ADGRL4: variants seen among roughly 807,000 people sequenced by gnomAD.
ADGRL4 encodes adhesion G protein-coupled receptor L4.
Under a neutral mutation model 74.8 loss-of-function variants are expected in ADGRL4, and 90 were observed. The observed-to-expected ratio is 1.20, with a 90% CI of 1.02 to 1.43. ADGRL4 has a LOEUF of 1.43. Among genes scored for constraint, ADGRL4 ranks in the 40% most tolerant of loss-of-function variants. The pLI is 0.00. For missense variants in ADGRL4, 881 were observed against 814.3 expected, an observed-to-expected ratio of 1.08 and a Z score of -1.00; for synonymous variants, 311 against 279.2, an observed-to-expected ratio of 1.11 and a Z score of -1.14.
At chr1:78,904,644 G>C (rs1648592346) in intron 12 of ADGRL4, among the ~76,000 whole-genome samples, 1 of 151,928 alleles carries the variant, frequency 6.6e-6, no homozygotes, top group South Asian at 2.1e-4. Flanking sequence ...TTTTAAGAAA[G>C]CAACAAATGC....
chr1:78,986,848 A>G (rs1650508519), intron 2 of ADGRL4, among the ~76,000 whole-genome samples: 1 of 151,828 alleles, frequency 6.6e-6, no homozygotes, highest in Admixed American at 6.6e-5. Flanking sequence ...AAATGATCAA[A>G]AATAGTAAAA....
rs761341743 is a variant in ADGRL4, at chr1:78,920,277, TGAATTTCACTGAAGAACCA to T, written c.1348_1366del (p.Trp450LysfsTer47). The T allele has an allele frequency of 6.2e-7, 1 of 1,612,036 alleles. No homozygotes were observed. On this transcript the variant is annotated frameshift_variant, in exon 10 of 15. Transcript: ENST00000370742. LOFTEE classifies it high-confidence loss of function. ...TTTGTGAATTGTTGTCCTGGTGCTTTGAATTTCACTGAAGAACCAGAAGGTAAAAATGCATATGGCAAGA... is the reference window on the plus strand; with the variant it reads ...TTTGTGAATTGTTGTCCTGGTGCTTTGAAGGTAAAAATGCATATGGCAAGA...
At chr1:79,004,468 C>T (rs933938828) in intron 2 of ADGRL4, among the ~76,000 whole-genome samples, 1 of 152,108 alleles carries the variant, frequency 6.6e-6, no homozygotes, top group Non-Finnish European at 1.5e-5. Context: ...GGCTAAACTG[C>T]ACCCTACAAG....
intron 2 of ADGRL4, among the ~76,000 whole-genome samples, chr1:78,961,909 T>G (rs544640703): frequency 1.3e-5 from 2 of 151,888 alleles, no homozygotes; most frequent in Admixed American, 1.3e-4. Context: ...GGATGGAGTT[T>G]TGCTCCTATT....
chr1:79,003,982 C>T lies in ADGRL4; in HGVS notation c.172+1088G>A, dbSNP rs1650895591. Among the ~76,000 whole-genome samples the T allele has an allele frequency of 2.0e-5, 3 of 151,946 alleles. No homozygotes were observed. The South Asian group carries it at 6.2e-4, about 31-fold the overall frequency. The stretch of plus-strand genomic sequence containing the variant: ...TAATGCACCATTAAGTGAACTGTAG[C>T]TTTGCTGTACATTTTTTAAATATTC... On this transcript the variant is annotated intron_variant, in intron 2 of 14. Coordinates refer to ENST00000370742, the MANE Select transcript of ADGRL4 (RefSeq NM_022159.4).
chr1:78,953,082 A>G (rs1362183282), intron 2 of ADGRL4, among the ~76,000 whole-genome samples: 4 of 152,196 alleles, frequency 2.6e-5, no homozygotes, highest in Non-Finnish European at 5.9e-5. Flanking sequence ...AAACAAAATG[A>G]AGTATAAGTA....
chr1:78,983,597 A>T (rs1214221956), intron 2 of ADGRL4, among the ~76,000 whole-genome samples: 1 of 151,926 alleles, frequency 6.6e-6, no homozygotes, highest in Admixed American at 6.6e-5. Context: ...TTTAAGAAAC[A>T]TATAACAGAA....
intron 2 of ADGRL4, among the ~76,000 whole-genome samples, chr1:79,002,624 G>A (rs570041715): frequency 6.6e-6 from 1 of 152,156 alleles, no homozygotes; most frequent in East Asian, 1.9e-4. Context: ...AACTGAATTA[G>A]GAAGGGTCAA....
At chr1:78,953,131 A>C (rs1306064854) in intron 2 of ADGRL4, among the ~76,000 whole-genome samples, 1 of 152,206 alleles carries the variant, frequency 6.6e-6, no homozygotes, top group Non-Finnish European at 1.5e-5. Flanking sequence ...ATGTTTGTAC[A>C]TATTGGAAAC....
chr1:78,982,864 A>G (rs910652255), intron 2 of ADGRL4, among the ~76,000 whole-genome samples: 2 of 151,916 alleles, frequency 1.3e-5, no homozygotes, highest in Admixed American at 1.3e-4. Context: ...GCACCTGTGC[A>G]AGGTCGAGCT....
At chr1:78,927,702 C>A (rs76057786) in intron 7 of ADGRL4, among the ~76,000 whole-genome samples, 1 of 151,960 alleles carries the variant, frequency 6.6e-6, no homozygotes, top group Non-Finnish European at 1.5e-5. Context: ...AACCAAATAG[C>A]GCAAAATCAT....
At chr1:78,935,529 TAAA>T (rs60057044) in intron 7 of ADGRL4, among the ~76,000 whole-genome samples, 71,567 of 147,614 alleles carry the variant, frequency 0.48, 17,615 homozygotes, top group Middle Eastern at 0.56. Context: ...TAAGCAAAAT[TAAA>T]AAAAAAAAAA....
intron 13 of ADGRL4, among the ~76,000 whole-genome samples, chr1:78,892,316 C>T (rs969317221): frequency 2.6e-5 from 4 of 152,148 alleles, no homozygotes; most frequent in African/African-American, 4.8e-5. Flanking sequence ...CATACGCACT[C>T]TTACATCTTT....
At position 78,890,118 on chromosome 1, in the gene ADGRL4, T is replaced by C. The variant is rs193132081; in HGVS notation, c.*1036A>G. The C allele has an allele frequency of 3.3e-3, 521 of 156,258 alleles. 2 individuals carry two copies. Among genetic ancestry groups the C allele is most frequent in the Non-Finnish European group, 4.5e-3 (314 of 69,058 alleles). 9.7% of individuals were successfully genotyped at this position (156,258 alleles called of 1,614,324 possible). On this transcript the variant is annotated 3_prime_UTR_variant, in exon 15 of 15. Transcript: ENST00000370742. ...CAATAACAATTTTAAGTGTGTACTT[T>C]TCTGAACAGAAAAAATAGCAATTCA...
At chr1:78,993,997 G>A (rs1650666710) in intron 2 of ADGRL4, among the ~76,000 whole-genome samples, 1 of 152,146 alleles carries the variant, frequency 6.6e-6, no homozygotes, top group Non-Finnish European at 1.5e-5. Context: ...GGACTCTGAA[G>A]GCTGCCTCAA....
At chr1:78,896,621 C>G (rs1648405205) in intron 12 of ADGRL4, among the ~76,000 whole-genome samples, 1 of 152,064 alleles carries the variant, frequency 6.6e-6, no homozygotes, top group Admixed American at 6.6e-5. Context: ...ACCATCATGC[C>G]TCCTCTGTGC....
chr1:78,977,625 A>G lies in ADGRL4; in HGVS notation c.172+27445T>C, dbSNP rs74985778. ...AGCTGTTGCAAGGAGAGAAAAAGAG[A>G]CCAATGAAATAGAACAGAGATCCAC... is the stretch of plus-strand genomic sequence containing the variant. On this transcript the variant is annotated intron_variant, in intron 2 of 14. Coordinates refer to ENST00000370742, the MANE Select transcript of ADGRL4 (RefSeq NM_022159.4). Among the ~76,000 whole-genome samples, 473 of 152,008 alleles carry G rather than the reference A, an allele frequency of 3.1e-3. 5 individuals carry two copies. The highest frequency in any genetic ancestry group is 0.011 in the African/African-American group (450 of 41,532).
At chr1:78,925,469 CTGTAGAATTA>C (rs1342392658) in intron 8 of ADGRL4, among the ~76,000 whole-genome samples, 2 of 151,886 alleles carry the variant, frequency 1.3e-5, no homozygotes, top group Non-Finnish European at 2.9e-5. Flanking sequence ...TTCTGAGGTA[CTGTAGAATTA>C]TGTATTAGTC....
intron 2 of ADGRL4, among the ~76,000 whole-genome samples, chr1:78,955,965 T>C (rs1197569185): frequency 6.6e-6 from 1 of 152,174 alleles, no homozygotes; most frequent in Non-Finnish European, 1.5e-5. Flanking sequence ...TTCTTTACTA[T>C]ATAATAACGA....
Sources: gnomAD v4.1 joint callset for allele counts (sites outside exome capture counted in the v4.1 genomes callset) on GRCh38, gnomAD v4.1.1 for gene constraint, MANE v1.5 for transcripts, NCBI Gene and HGNC (gene_info 2026-07-23, HGNC 2026-07-21) for gene names.